INPP5B: variants seen among roughly 807,000 people sequenced by gnomAD.
INPP5B encodes the protein inositol polyphosphate-5-phosphatase B.
A neutral mutation model predicts 118.5 loss-of-function variants in INPP5B; 90 were observed. The ratio of observed to expected loss-of-function variants is 0.76; its 90% CI spans 0.64 to 0.90. The LOEUF (loss-of-function observed/expected upper bound fraction) is 0.90. Among genes scored for constraint, INPP5B ranks in the 40% least tolerant of loss-of-function variants. The pLI, the probability that INPP5B is intolerant of heterozygous loss-of-function variation, is 0.00. For missense variants in INPP5B, 984 were observed against 1,125.6 expected, an observed-to-expected ratio of 0.87 and a Z score of 1.80; for synonymous variants, 385 against 418.9, an observed-to-expected ratio of 0.92 and a Z score of 0.99.
chr1:37,931,940 A>G lies in INPP5B; in HGVS notation c.505T>C (p.Trp169Arg). Reference sequence around the variant, plus strand: ...CCGCCAATTGTCGCGTACCCTGGCCAGGTAACTAGGGCCGAGTTACAACCG... The same window carrying G: ...CCGCCAATTGTCGCGTACCCTGGCCGGGTAACTAGGGCCGAGTTACAACCG... ...PRGCNSALVTWPGYATIGGGG... is the reference protein window; with the variant it reads ...PRGCNSALVTRPGYATIGGGG... Residue 169 changes from tryptophan (W) to arginine (R), a missense_variant, in exon 7 of 24, where the codon TGG (tryptophan) becomes CGG (arginine). This residue lies in a region of INPP5B where 350 missense variants were observed against 334.6 expected (regional missense o/e 1.05). Transcript: ENST00000373024. 1 of 1,614,056 alleles carries G rather than the reference A, an allele frequency of 6.2e-7. No individual in the cohort carries two copies. The highest frequency in any genetic ancestry group is 1.3e-5 in the African/African-American group (1 of 75,016).
rs546447437 is a variant in INPP5B at position 37,917,925 on chromosome 1, C to A, written c.532+13988G>T. On this transcript the variant is annotated intron_variant, in intron 7 of 23. Transcript: ENST00000373024. ...TGTCCAGCCCTGTCTGAGCTCAGCA[C>A]CTCCACCATCCCCTGGGCATTTCTA... is the stretch of plus-strand genomic sequence containing the variant. Among the ~76,000 whole-genome samples, 7 of 152,314 alleles carry A rather than the reference C, an allele frequency of 4.6e-5. 1 individual carries two copies. The South Asian group carries it at 1.4e-3, about 32-fold the overall frequency.
At position 37,887,428 on chromosome 1, in the gene INPP5B, A is replaced by G; in HGVS notation, c.937T>C (p.Phe313Leu). The G allele has an allele frequency of 6.2e-7, 1 of 1,613,612 alleles. No homozygotes were observed. Among genetic ancestry groups the G allele is most frequent in the Non-Finnish European group, 8.5e-7 (1 of 1,179,720 alleles). ...ELDLSKEAFF[F>L]HDTPKEEEWF... ...TCTTCCTCCTTTGGGGTATCGTGAA[A>G]GAAAAAAGCTTCCTTACTCAGATCA... Residue 313 changes from phenylalanine (F) to leucine (L), a missense_variant, in exon 11 of 24, where the codon TTT becomes CTT. Coordinates refer to ENST00000373024, the MANE Select transcript of INPP5B (RefSeq NM_005540.3).
rs1641835222 is a variant in INPP5B, at chr1:37,863,500, C to T, written c.2626+812G>A. Among the ~76,000 whole-genome samples, 11 of 150,460 alleles carry T rather than the reference C, an allele frequency of 7.3e-5. No individual in the cohort carries two copies. In the South Asian group the frequency reaches 2.3e-3, roughly 32 times the overall value. On this transcript the variant is annotated intron_variant, in intron 23 of 23. Coordinates refer to ENST00000373024, the MANE Select transcript of INPP5B (RefSeq NM_005540.3). Reference sequence around the variant, plus strand: ...ACTGCACTCCAGCCTGGCGACAGAGCGAGACTCCATCTCTAAAAAATTAAA... The same window carrying T: ...ACTGCACTCCAGCCTGGCGACAGAGTGAGACTCCATCTCTAAAAAATTAAA...
chr1:37,891,909 T>C (rs998554067), intron 7 of INPP5B, among the ~76,000 whole-genome samples: 22 of 152,356 alleles, frequency 1.4e-4, no homozygotes, highest in Non-Finnish European at 2.2e-4. Context: ...TATGCTGATG[T>C]CTGGGTGAAG....
Position 37,940,776 on chromosome 1 carries a change from C to T in INPP5B, c.303G>A (p.Leu101=). The change falls in exon 6 of 24, where the codon CTG becomes CTA. Residue 101 remains leucine (L), a synonymous_variant. Transcript: ENST00000373024. ...YILGSDVTVQ[L]DTAELSLVFQ... ...ATACGAGGCTAAGCTCTGCTGTGTC[C>T]AGCTGGACGGTCACATCTGAGCCTG... is the stretch of plus-strand genomic sequence containing the variant. 6.2e-7 allele frequency: 1 copy of T among 1,613,738 alleles called. No individual in the cohort carries two copies. The highest frequency in any genetic ancestry group is 1.1e-5 in the South Asian group (1 of 91,078).
intron 13 of INPP5B, chr1:37,883,776 T>C: frequency 1.0e-6 from 1 of 985,406 alleles, no homozygotes; most frequent in Non-Finnish European, 1.2e-6. Flanking sequence ...AACACCAAAA[T>C]GCTCCAGATA....
chr1:37,926,571 C>A (rs1051728760), intron 7 of INPP5B, among the ~76,000 whole-genome samples: 6 of 152,154 alleles, frequency 3.9e-5, no homozygotes, highest in Non-Finnish European at 8.8e-5. Flanking sequence ...CTTGAGCCAC[C>A]ACACCCGGCG....
chr1:37,917,305 T>A (rs370798498), intron 7 of INPP5B, among the ~76,000 whole-genome samples: 52 of 23,736 alleles, frequency 2.2e-3, no homozygotes, highest in South Asian at 6.6e-3. Context: ...AAAAAAAAAA[T>A]AATTATATAT....
At position 37,932,106 on chromosome 1, in the gene INPP5B, C is replaced by T. The variant is rs1303961695; in HGVS notation, c.392-53G>A. On this transcript the variant is annotated intron_variant, in intron 6 of 23. Transcript: ENST00000373024. ...GAGCCACGAGCTTGAAGAGCCGGCT[C>T]TGCATGATTGTATTATCCCAAGAGA... is the stretch of plus-strand genomic sequence containing the variant. The T allele has an allele frequency of 2.0e-6, 3 of 1,493,604 alleles. No individual in the cohort carries two copies. In the African/African-American group the frequency reaches 4.2e-5, roughly 21 times the overall value. 92.5% of individuals were successfully genotyped at this position (1,493,604 alleles called of 1,614,324 possible).
Position 37,922,228 on chromosome 1 carries a change from A to T in INPP5B, c.532+9685T>A, listed in dbSNP as rs143778272. 5.8e-4 allele frequency among the ~76,000 whole-genome samples: 88 copies of T among 151,826 alleles called. 2 individuals are homozygous for T. The East Asian group carries it at 0.017, about 28-fold the overall frequency. On this transcript the variant is annotated intron_variant, in intron 7 of 23. Transcript: ENST00000373024. ...AAAAAATGAAAATAAAAATAATAAA[A>T]ATAAATAAAAGTTAGCCAGACATGG... is the stretch of plus-strand genomic sequence containing the variant.
intron 7 of INPP5B, among the ~76,000 whole-genome samples, chr1:37,923,049 C>T (rs977962353): frequency 1.3e-5 from 2 of 152,134 alleles, no homozygotes; most frequent in Non-Finnish European, 2.9e-5. Flanking sequence ...GAGGGCAACA[C>T]AGAGATGCAG....
intron 19 of INPP5B, among the ~76,000 whole-genome samples, chr1:37,871,568 G>A (rs1420461520): frequency 6.6e-6 from 1 of 152,150 alleles, no homozygotes; most frequent in Non-Finnish European, 1.5e-5. Context: ...AGGAGTTCAA[G>A]ACCAGCCCGG....
chr1:37,879,355 C>G (rs1643052388), intron 15 of INPP5B, among the ~76,000 whole-genome samples: 1 of 151,756 alleles, frequency 6.6e-6, no homozygotes, highest in Admixed American at 6.6e-5. Flanking sequence ...CCCTTGTCTG[C>G]TTGGGGGCCT....
intron 7 of INPP5B, among the ~76,000 whole-genome samples, chr1:37,905,852 T>C (rs1407108212): frequency 1.3e-5 from 2 of 152,224 alleles, no homozygotes; most frequent in East Asian, 3.8e-4. Context: ...GCTTAAAACA[T>C]TGCTGATCCC....
At chr1:37,943,932 G>T in intron 3 of INPP5B, 39 bp from the exon 4 acceptor site, 2 of 1,461,162 alleles carry the variant, frequency 1.4e-6, no homozygotes, top group Non-Finnish European at 1.9e-6. Context: ...GGGGCCCGCT[G>T]GCTGTCCCTC....
intron 3 of INPP5B, 39 bp downstream of exon 3, chr1:37,945,717 C>A: frequency 6.6e-7 from 1 of 1,503,904 alleles, no homozygotes. Context: ...ATGAACAACC[C>A]CATGGCCCAG....
At position 37,934,954 on chromosome 1, in the gene INPP5B, CTT is replaced by C. The variant is rs576898422; in HGVS notation, c.392-2903_392-2902del. ...GTGGCTCACGCCTGTAATCCCAACACTTTGGGAGGCCGAGGCGGGCGGATCAC... is the reference window on the plus strand; with the variant it reads ...GTGGCTCACGCCTGTAATCCCAACACTGGGAGGCCGAGGCGGGCGGATCAC... On this transcript the variant is annotated intron_variant, in intron 6 of 23. Coordinates refer to ENST00000373024, the MANE Select transcript of INPP5B (RefSeq NM_005540.3). 5.4e-3 allele frequency among the ~76,000 whole-genome samples: 820 copies of C among 151,710 alleles called. 7 individuals carry two copies. Among genetic ancestry groups the C allele is most frequent in the Admixed American group, 9.1e-3 (139 of 15,244 alleles).
chr1:37,917,385 G>A (rs1193885376), intron 7 of INPP5B, among the ~76,000 whole-genome samples: 3 of 139,152 alleles, frequency 2.2e-5, no homozygotes, highest in East Asian at 2.2e-4. Flanking sequence ...GTGCAGTAGC[G>A]CGATCTCGGC....
intron 6 of INPP5B, among the ~76,000 whole-genome samples, chr1:37,934,877 T>C (rs1247372176): frequency 1.3e-5 from 2 of 149,992 alleles, no homozygotes; most frequent in African/African-American, 4.9e-5. Context: ...GTGCCTGCTA[T>C]CTGACAGGCG....
Sources: allele counts gnomAD v4.1 joint callset (sites outside exome capture counted in the v4.1 genomes callset), GRCh38; gene constraint gnomAD v4.1.1; regional missense constraint gnomAD v4.1.1; transcripts MANE v1.5; gene names NCBI Gene and HGNC (gene_info 2026-07-23, HGNC 2026-07-21).